The following GFRA1 variants were observed in gnomAD, a reference collection of about 807,000 sequenced individuals.
GFRA1 encodes GDNF family receptor alpha-1.
A neutral mutation model predicts 51.6 loss-of-function variants in GFRA1; 16 were observed. The observed-to-expected ratio is 0.31, with a 90% CI of 0.21 to 0.47. The LOEUF is 0.47. GFRA1 is among the 20% of genes least tolerant of loss of function. The probability of loss-of-function intolerance (pLI) is 1.00; values close to 1 mark genes in which losing one functional copy is unlikely to be tolerated. For missense variants in GFRA1, 530 were observed against 594.3 expected (o/e 0.89, Z 1.13); for synonymous variants, 270 against 241.3 (o/e 1.12, Z -1.10).
rs528007626 is a variant in GFRA1, at chr10:116,073,480, T to C, written c.1198-7854A>G. Reference sequence around the variant, plus strand: ...CAATTATGAGCTGTATTTTAGAAAATTATGCACAATTAACAATAAGATAAT... The same window carrying C: ...CAATTATGAGCTGTATTTTAGAAAACTATGCACAATTAACAATAAGATAAT... On this transcript the variant is annotated intron_variant, in intron 9 of 10. Coordinates refer to ENST00000355422, the MANE Select transcript of GFRA1 (RefSeq NM_005264.8). 2.1e-4 allele frequency among the ~76,000 whole-genome samples: 32 copies of C among 152,260 alleles called. No individual in the cohort carries two copies. The South Asian group carries it at 4.1e-3, about 20-fold the overall frequency.
chr10:116,145,065 C>T (rs547638562), intron 5 of GFRA1, among the ~76,000 whole-genome samples: 1 of 141,884 alleles, frequency 7.0e-6, no homozygotes, highest in African/African-American at 2.6e-5. Context: ...AGGAGAATCA[C>T]TTGAACCCGG....
At chr10:116,210,419 G>T (rs897200690) in intron 5 of GFRA1, among the ~76,000 whole-genome samples, 38 of 152,132 alleles carry the variant, frequency 2.5e-4, no homozygotes, top group Middle Eastern at 3.2e-3. Context: ...AGTTTGTGAA[G>T]GAAGAAAACT....
chr10:116,270,788 G>A, intron 3 of GFRA1, 34 bp downstream of exon 3: 2 of 1,563,554 alleles, frequency 1.3e-6, no homozygotes, highest in Non-Finnish European at 1.8e-6. Flanking sequence ...TTCGGGGAGG[G>A]ACACGGGGTG....
intron 1 of GFRA1, 140 bp downstream of exon 1, chr10:116,273,023 C>A (rs546972461): frequency 1.3e-5 from 2 of 152,108 alleles, no homozygotes; most frequent in South Asian, 2.1e-4. Flanking sequence ...GCCACGAGCG[C>A]CCCCCGGGCC....
rs771982304 is a variant in GFRA1 at position 116,060,604 on chromosome 10, T to A, written c.*3794A>T. ...AGGCCAGTGGTAATTCTCTCCTGCC[T>A]GTTGTCATTGCTTTTAGGTCGTTCT... On this transcript the variant is annotated 3_prime_UTR_variant, in exon 11 of 11. Transcript: ENST00000355422. 5.3e-5 allele frequency: 8 copies of A among 152,218 alleles called. No individual in the cohort carries two copies. The highest frequency in any genetic ancestry group is 1.0e-4 in the Non-Finnish European group (7 of 68,050). 9.4% of individuals were successfully genotyped at this position (152,218 alleles called of 1,614,324 possible). A position where few individuals can be genotyped will look rare whatever the true frequency, so the allele number is the denominator to read the frequency against.
rs757870718 is a variant in GFRA1 at position 116,125,286 on chromosome 10, A to G, written c.705T>C (p.Tyr235=). ...RRQTIVPVCS[Y]EEREKPNCLN... ...AACAGTTGGGCTTCTCCCTCTCTTC[A>G]TAGGAGCACACAGGCACGATGGTCT... is the stretch of plus-strand genomic sequence containing the variant. Residue 235 remains tyrosine (Y), a synonymous_variant, in exon 6 of 11, where the codon TAT becomes TAC. Transcript: ENST00000355422. 2.5e-6 allele frequency: 4 copies of G among 1,614,188 alleles called. No individual in the cohort carries two copies. The highest frequency in any genetic ancestry group is 4.5e-5 in the East Asian group (2 of 44,862).
chr10:116,106,294 A>C (rs949260206), intron 6 of GFRA1, among the ~76,000 whole-genome samples: 1 of 152,234 alleles, frequency 6.6e-6, no homozygotes, highest in African/African-American at 2.4e-5. Flanking sequence ...AACAGCACCA[A>C]TAGAAAACTA....
chr10:116,143,709 C>CT (rs1249945742), intron 5 of GFRA1, among the ~76,000 whole-genome samples: 15 of 152,106 alleles, frequency 9.9e-5, no homozygotes, highest in African/African-American at 3.6e-4. Flanking sequence ...GAATTTAACT[C>CT]TAACTCTCTA....
chr10:116,147,880 A>C (rs1310679121), intron 5 of GFRA1, among the ~76,000 whole-genome samples: 2 of 151,526 alleles, frequency 1.3e-5, no homozygotes, highest in African/African-American at 4.8e-5. Flanking sequence ...ACCCCAGTGG[A>C]GGTGTCAGAA....
intron 6 of GFRA1, among the ~76,000 whole-genome samples, chr10:116,102,833 T>C (rs1450004450): frequency 6.6e-6 from 1 of 152,154 alleles, no homozygotes; most frequent in Non-Finnish European, 1.5e-5. Flanking sequence ...AGCCAGACCA[T>C]ATCGACCACT....
chr10:116,178,031 T>C (rs1250109120), intron 5 of GFRA1, among the ~76,000 whole-genome samples: 1 of 152,210 alleles, frequency 6.6e-6, no homozygotes, highest in African/African-American at 2.4e-5. Flanking sequence ...ATCTAGACTT[T>C]GGTATCTTTC....
chr10:116,119,313 C>G (rs1289501849), intron 6 of GFRA1, among the ~76,000 whole-genome samples: 1 of 152,162 alleles, frequency 6.6e-6, no homozygotes, highest in East Asian at 1.9e-4. Context: ...CCAGAGCAGA[C>G]AGGGTAGCAG....
chr10:116,094,644 A>G (rs1956499159), intron 7 of GFRA1, among the ~76,000 whole-genome samples: 1 of 152,204 alleles, frequency 6.6e-6, no homozygotes, highest in Admixed American at 6.5e-5. Flanking sequence ...TATTTTCTGG[A>G]TGTAAGAAGT....
chr10:116,186,493 T>A (rs951536993), intron 5 of GFRA1, among the ~76,000 whole-genome samples: 9 of 151,380 alleles, frequency 5.9e-5, no homozygotes, highest in Non-Finnish European at 1.0e-4. Context: ...CTGATTGGTT[T>A]CCACATATGT....
chr10:116,204,315 G>GTT (rs1025872738), intron 5 of GFRA1, among the ~76,000 whole-genome samples: 4 of 152,288 alleles, frequency 2.6e-5, no homozygotes, highest in East Asian at 1.9e-4. Context: ...TATACACCTG[G>GTT]TTATATATAT....
intron 5 of GFRA1, among the ~76,000 whole-genome samples, chr10:116,184,437 T>C (rs935423313): frequency 6.6e-6 from 1 of 152,160 alleles, no homozygotes; most frequent in African/African-American, 2.4e-5. Context: ...TCCCTCACTC[T>C]CCATGCTAAT....
chr10:116,274,206 C>CG (rs1844138221), upstream of GFRA1, among the ~76,000 whole-genome samples: 1 of 126,534 alleles, frequency 7.9e-6, no homozygotes, highest in Non-Finnish European at 1.8e-5. Flanking sequence ...TCCCGCACGC[C>CG]GGGGGGCGCC....
At chr10:116,135,197 C>T (rs2134067986) in intron 5 of GFRA1, among the ~76,000 whole-genome samples, 1 of 152,254 alleles carries the variant, frequency 6.6e-6, no homozygotes, top group East Asian at 1.9e-4. Context: ...GGGTTCCCAC[C>T]TAATTTTTGT....
At chr10:116,203,511 G>A (rs1964496896) in intron 5 of GFRA1, among the ~76,000 whole-genome samples, 2 of 152,202 alleles carry the variant, frequency 1.3e-5, no homozygotes, top group African/African-American at 2.4e-5. Flanking sequence ...TCTGGCTGGA[G>A]GGGACTGTGC....
Sources: gnomAD v4.1 joint callset for allele counts (sites outside exome capture counted in the v4.1 genomes callset) on GRCh38, gnomAD v4.1.1 for gene constraint, MANE v1.5 for transcripts, NCBI Gene and HGNC (gene_info 2026-07-23, HGNC 2026-07-21) for gene names.